ETV5: variants seen among roughly 807,000 people sequenced by gnomAD.
ETV5 encodes ETS variant transcription factor 5.
A neutral mutation model predicts 70.0 loss-of-function variants in ETV5; 10 were observed. That is an observed-to-expected ratio of 0.14 (90% confidence interval 0.09 to 0.24). ETV5 has a LOEUF of 0.24. Among genes scored for constraint, ETV5 ranks in the 10% least tolerant of loss-of-function variants. ETV5 has a pLI of 1.00. For synonymous variants in ETV5, 216 were observed against 242.2 expected (o/e 0.89, Z 1.01); for missense variants, 453 against 651.2 (o/e 0.70, Z 3.31).
Position 186,070,478 on chromosome 3 carries a change from C to G in ETV5, c.651-4406G>C, listed in dbSNP as rs890408382. Among the ~76,000 whole-genome samples, 3 of 152,214 alleles carry G rather than the reference C, an allele frequency of 2.0e-5. No homozygotes were observed. The South Asian group carries it at 6.2e-4, about 32-fold the overall frequency. On this transcript the variant is annotated intron_variant, in intron 7 of 12. Transcript: ENST00000306376. Reference sequence around the variant, plus strand: ...CCCGCGGCATAACTTTAAGGATGCGCAAAGCTTAGAGGCCTGTGATCTGCA... The same window carrying G: ...CCCGCGGCATAACTTTAAGGATGCGGAAAGCTTAGAGGCCTGTGATCTGCA...
intron 11 of ETV5, among the ~76,000 whole-genome samples, chr3:186,056,264 T>C (rs1713160188): frequency 6.6e-6 from 1 of 152,172 alleles, no homozygotes; most frequent in Admixed American, 6.6e-5. Flanking sequence ...TCTATTGTGA[T>C]GTCACATAAC....
rs959063529 is a variant in ETV5, at chr3:186,046,851, A to G, written c.*1788T>C. The G allele has an allele frequency of 8.6e-6, 2 of 231,518 alleles. No homozygotes were observed. Among genetic ancestry groups the G allele is most frequent in the African/African-American group, 4.4e-5 (2 of 45,218 alleles). 14.3% of individuals were successfully genotyped at this position (231,518 alleles called of 1,614,324 possible). A position where few individuals can be genotyped will look rare whatever the true frequency, so the allele number is the denominator to read the frequency against. ...AGAAAGAGTCCTTTGATTAGAGTACAATGCTAATTAAGGCCCAATCTACAG... is the reference window on the plus strand; with the variant it reads ...AGAAAGAGTCCTTTGATTAGAGTACGATGCTAATTAAGGCCCAATCTACAG... On this transcript the variant is annotated 3_prime_UTR_variant, in exon 13 of 13. Coordinates refer to ENST00000306376, the MANE Select transcript of ETV5 (RefSeq NM_004454.3).
intron 12 of ETV5, among the ~76,000 whole-genome samples, chr3:186,051,664 A>AAG (rs1713035646): frequency 6.6e-6 from 1 of 152,366 alleles, no homozygotes; most frequent in South Asian, 2.1e-4. Flanking sequence ...AAAGACTTCA[A>AAG]TCAAGCTGTT....
intron 12 of ETV5, 129 bp downstream of exon 12, chr3:186,051,901 T>C (rs1002057171): frequency 2.6e-6 from 2 of 765,920 alleles, no homozygotes; most frequent in Admixed American, 2.2e-5. Flanking sequence ...CAAGATTGTT[T>C]CCTACCACAG....
intron 9 of ETV5, among the ~76,000 whole-genome samples, chr3:186,059,053 A>G (rs1713241863): frequency 6.6e-6 from 1 of 151,738 alleles, no homozygotes; most frequent in Non-Finnish European, 1.5e-5. Flanking sequence ...ATAAAAAAAA[A>G]GAAAGGAAAA....
intron 1 of ETV5, among the ~76,000 whole-genome samples, chr3:186,107,694 G>T (rs1714621464): frequency 6.6e-6 from 1 of 151,878 alleles, no homozygotes; most frequent in African/African-American, 2.4e-5. Flanking sequence ...GCGCCCCCAG[G>T]AAAACTTTAG....
intron 7 of ETV5, among the ~76,000 whole-genome samples, chr3:186,067,205 C>T (rs534356824): frequency 2.0e-5 from 3 of 152,294 alleles, no homozygotes; most frequent in East Asian, 3.9e-4. Context: ...GAGGCCAATG[C>T]GGGGGGATCA....
intron 5 of ETV5, among the ~76,000 whole-genome samples, chr3:186,092,722 C>T (rs1253688461): frequency 6.6e-6 from 1 of 152,146 alleles, no homozygotes; most frequent in East Asian, 1.9e-4. Flanking sequence ...GCTTGAGCCG[C>T]TGCACCCAGC....
chr3:186,084,206 C>T (rs1390060271), intron 5 of ETV5: 2 of 451,800 alleles, frequency 4.4e-6, no homozygotes, highest in African/African-American at 4.1e-5. Flanking sequence ...GACAGAGACC[C>T]AGGACTATAA....
chr3:186,103,620 A>AACACACACAC (rs10534124), intron 5 of ETV5, among the ~76,000 whole-genome samples: 3,454 of 142,824 alleles, frequency 0.024, 57 homozygotes, highest in Middle Eastern at 0.047. Flanking sequence ...TCATCTTGCA[A>AACACACACAC]ACACACACAC....
chr3:186,085,164 C>A (rs748351038), intron 5 of ETV5, among the ~76,000 whole-genome samples: 4 of 152,024 alleles, frequency 2.6e-5, no homozygotes, highest in Non-Finnish European at 4.4e-5. Flanking sequence ...CACAGCTGGT[C>A]AGTGGCCAGG....
At chr3:186,066,348 A>G (rs532513459) in intron 7 of ETV5, among the ~76,000 whole-genome samples, 12 of 151,590 alleles carry the variant, frequency 7.9e-5, no homozygotes, top group Admixed American at 4.6e-4. Context: ...CTATCTGTAT[A>G]GATGGGCCAG....
intron 7 of ETV5, chr3:186,078,274 T>C (rs935458550): frequency 2.3e-6 from 2 of 864,882 alleles, no homozygotes; most frequent in East Asian, 5.5e-5. Context: ...TCTTTTACAG[T>C]TCATGGTATA....
chr3:186,065,713 T>C, intron 8 of ETV5, 100 bp downstream of exon 8: 1 of 1,411,984 alleles, frequency 7.1e-7, no homozygotes, highest in South Asian at 1.4e-5. Flanking sequence ...AAAATTCTTA[T>C]AAAAATTCCT....
intron 5 of ETV5, among the ~76,000 whole-genome samples, chr3:186,100,712 A>C (rs1714431781): frequency 6.6e-6 from 1 of 152,232 alleles, no homozygotes; most frequent in Admixed American, 6.5e-5. Context: ...TAAAAAGAAC[A>C]CTTCAAGGGG....
intron 5 of ETV5, among the ~76,000 whole-genome samples, chr3:186,095,538 C>T (rs1714283584): frequency 6.6e-6 from 1 of 152,196 alleles, no homozygotes; most frequent in South Asian, 2.1e-4. Flanking sequence ...AAATGAGTTT[C>T]TTCCCCCAGA....
chr3:186,081,241 C>T (rs1713928203), intron 5 of ETV5, 66 bp from the exon 6 acceptor site: 1 of 1,485,262 alleles, frequency 6.7e-7, no homozygotes, highest in Non-Finnish European at 9.1e-7. Flanking sequence ...GAGCACAATG[C>T]TTCCTTCTGC....
intron 1 of ETV5, chr3:186,108,596 C>G (rs939153471): frequency 1.6e-6 from 2 of 1,228,612 alleles, no homozygotes; most frequent in Middle Eastern, 2.3e-4. Context: ...CCCCTCGGGG[C>G]TCTCGAATCT....
At position 186,047,206 on chromosome 3, in the gene ETV5, T is replaced by C. The variant is rs1467955878; in HGVS notation, c.*1433A>G. On this transcript the variant is annotated 3_prime_UTR_variant, in exon 13 of 13. Coordinates refer to ENST00000306376, the MANE Select transcript of ETV5 (RefSeq NM_004454.3). Reference sequence around the variant, plus strand: ...ACTTTTCCTCTACTTTGAGCTCAACTTTCACATAGCTTTAGCTTGGTTGTT... The same window carrying C: ...ACTTTTCCTCTACTTTGAGCTCAACCTTCACATAGCTTTAGCTTGGTTGTT... 1 of 228,562 alleles carries C rather than the reference T, an allele frequency of 4.4e-6. No homozygotes were observed. 14.2% of individuals were successfully genotyped at this position (228,562 alleles called of 1,614,324 possible).
Sources: gnomAD v4.1 joint callset for allele counts (sites outside exome capture counted in the v4.1 genomes callset) on GRCh38, gnomAD v4.1.1 for gene constraint, MANE v1.5 for transcripts, NCBI Gene and HGNC (gene_info 2026-07-23, HGNC 2026-07-21) for gene names.